DSG4: variants seen among roughly 807,000 people sequenced by gnomAD.
DSG4 encodes the protein desmoglein 4.
In DSG4, 87 loss-of-function variants were observed where a neutral mutation model predicts 93.1. That is an observed-to-expected ratio of 0.93 (90% CI 0.79 to 1.12). The LOEUF (loss-of-function observed/expected upper bound fraction) is 1.12, where lower values mean the gene tolerates loss of function less well. DSG4 is among the 50% of genes most tolerant of loss of function. The pLI, the probability that DSG4 is intolerant of heterozygous loss-of-function variation, is 0.00. For synonymous variants in DSG4, 432 were observed against 452.9 expected (o/e 0.95, Z 0.59); for missense variants, 1,373 against 1,285.7 (o/e 1.07, Z -1.04).
intron 8 of DSG4, among the ~76,000 whole-genome samples, chr18:31,393,622 G>T (rs1330290785): frequency 6.6e-6 from 1 of 152,018 alleles, no homozygotes; most frequent in South Asian, 2.1e-4. Context: ...CCCTCACCAG[G>T]CCCCACCTCC....
intron 5 of DSG4, among the ~76,000 whole-genome samples, chr18:31,389,896 G>A (rs182807658): frequency 5.6e-4 from 85 of 152,270 alleles, no homozygotes; most frequent in Admixed American, 6.5e-4. Flanking sequence ...AGACTCCGAA[G>A]TCCATCTTTG....
chr18:31,396,057 G>A (rs530499753), intron 8 of DSG4, among the ~76,000 whole-genome samples: 2 of 152,212 alleles, frequency 1.3e-5, no homozygotes, highest in East Asian at 1.9e-4. Flanking sequence ...AAGTCTCTCT[G>A]TCAATAACAG....
chr18:31,410,409 CTA>C (rs1009272239), intron 14 of DSG4, among the ~76,000 whole-genome samples: 1 of 150,954 alleles, frequency 6.6e-6, no homozygotes, highest in Admixed American at 6.6e-5. Context: ...GTATGTGTGT[CTA>C]TATATATACA....
chr18:31,407,603 G>T (rs544428224), intron 12 of DSG4, among the ~76,000 whole-genome samples: 8 of 152,302 alleles, frequency 5.3e-5, no homozygotes, highest in Non-Finnish European at 7.4e-5. Context: ...AAACTGTATT[G>T]TTGCTGTTTT....
At position 31,392,265 on chromosome 18, in the gene DSG4, C is replaced by T. The variant is rs146457133; in HGVS notation, c.930C>T (p.Leu310=). 1.5e-4 allele frequency: 241 copies of T among 1,613,588 alleles called. No homozygotes were observed. The highest frequency in any genetic ancestry group is 1.9e-4 in the Non-Finnish European group (224 of 1,179,864). ...ACTGGTTGGCTCAATATTTAATTCT[C>T]TCTGGAAATGATGGGAATTGGTTCG... The part of the protein sequence containing the change: ...TDNWLAQYLI[L]SGNDGNWFDI... The change falls in exon 8 of 16, where the codon CTC becomes CTT. Residue 310 remains leucine (L), a synonymous_variant. Coordinates refer to ENST00000308128, the MANE Select transcript of DSG4 (RefSeq NM_177986.5).
rs750172755 is a variant in DSG4 at position 31,386,797 on chromosome 18, C to T, written c.194C>T (p.Ser65Leu). The T allele has an allele frequency of 7.4e-6, 12 of 1,613,166 alleles. No individual in the cohort carries two copies. The highest frequency in any genetic ancestry group is 6.7e-5 in the Admixed American group (4 of 59,960). The change falls in exon 3 of 16, where the codon TCG (serine) becomes TTG (leucine). Residue 65 changes from serine (S) to leucine (L), a missense_variant. Transcript: ENST00000308128. Reference protein sequence around the residue: ...AAACREGEDNSKRNPIAKIRS... With the variant: ...AAACREGEDNLKRNPIAKIRS... ...GCCTGTCGAGAAGGAGAGGACAACT[C>T]GAAGAGGAACCCCATTGCCAAAGTA...
Position 31,406,163 on chromosome 18 carries a change from G to T in DSG4, c.1723G>T (p.Ala575Ser). 6.2e-7 allele frequency: 1 copy of T among 1,614,172 alleles called. No individual in the cohort carries two copies. Among genetic ancestry groups the T allele is most frequent in the Non-Finnish European group, 8.5e-7 (1 of 1,180,044 alleles). ...PILVKDSYNR[A>S]CELAQMVQLY... ...CCTGGTGAAGGACAGCTATAACAGA[G>T]CATGTGAATTGGCACAAATGGTGCA... Residue 575 changes from alanine to serine, a missense_variant, in exon 12 of 16, where the codon GCA becomes TCA. Physicochemically the swap from Ala to Ser is moderately conservative, Grantham distance 99 (BLOSUM62 1). Coordinates refer to ENST00000308128, the MANE Select transcript of DSG4 (RefSeq NM_177986.5).
chr18:31,411,358 C>T lies in DSG4; in HGVS notation c.2265C>T (p.Ala755=). The T allele has an allele frequency of 6.2e-7, 1 of 1,614,076 alleles. No individual in the cohort carries two copies. The highest frequency in any genetic ancestry group is 2.2e-5 in the East Asian group (1 of 44,838). The part of the protein sequence containing the change: ...MAAGAAGASG[A]ARKRSSTMGT... ...CAGGGGCCGCAGGAGCCTCAGGGGCCGCAAGGAAGAGGAGCTCTACCATGG... is the reference window on the plus strand; with the variant it reads ...CAGGGGCCGCAGGAGCCTCAGGGGCTGCAAGGAAGAGGAGCTCTACCATGG... The change falls in exon 15 of 16, where the codon GCC becomes GCT. Residue 755 remains alanine (A), a synonymous_variant. Coordinates refer to ENST00000308128, the MANE Select transcript of DSG4 (RefSeq NM_177986.5).
chr18:31,386,068 G>C (rs774289064), intron 2 of DSG4, among the ~76,000 whole-genome samples: 4 of 152,080 alleles, frequency 2.6e-5, no homozygotes, highest in Non-Finnish European at 5.9e-5. Context: ...AGCAAGCACA[G>C]ATACAAATGA....
intron 9 of DSG4, among the ~76,000 whole-genome samples, chr18:31,400,674 T>C (rs371818986): frequency 9.2e-5 from 14 of 152,298 alleles, no homozygotes; most frequent in South Asian, 6.2e-4. Context: ...GTAAAAATGA[T>C]GAAATTTTAA....
At chr18:31,394,834 T>C (rs2072288711) in intron 8 of DSG4, among the ~76,000 whole-genome samples, 1 of 152,186 alleles carries the variant, frequency 6.6e-6, no homozygotes, top group Admixed American at 6.5e-5. Context: ...CCTTGCATCC[T>C]GGTTAAAAAT....
chr18:31,383,896 T>C (rs969303470), intron 1 of DSG4, among the ~76,000 whole-genome samples: 53 of 152,224 alleles, frequency 3.5e-4, no homozygotes, highest in Admixed American at 1.4e-3. Context: ...TTTCAATTAT[T>C]TGTTTTCAAC....
rs768691954 is a variant in DSG4 at position 31,391,183 on chromosome 18, G to A, written c.790G>A (p.Asp264Asn). 6 of 1,613,506 alleles carry A rather than the reference G, an allele frequency of 3.7e-6. No individual in the cohort carries two copies. The East Asian group carries it at 6.7e-5, about 18-fold the overall frequency. The change falls in exon 7 of 16, where the codon GAT becomes AAT. Residue 264 changes from aspartate (D) to asparagine (N), a missense_variant. Asp to Asn is a conservative substitution (Grantham distance 23, BLOSUM62 1). Coordinates refer to ENST00000308128, the MANE Select transcript of DSG4 (RefSeq NM_177986.5). Reference protein sequence around the residue: ...DCRIKVLDVNDNFPTLEKTSY... With the variant: ...DCRIKVLDVNNNFPTLEKTSY... The stretch of plus-strand genomic sequence containing the variant: ...TAGAATCAAGGTTTTAGACGTCAAC[G>A]ATAATTTCCCCACCTTAGAGAAAAC...
At chr18:31,393,782 C>T (rs888158228) in intron 8 of DSG4, among the ~76,000 whole-genome samples, 2 of 152,172 alleles carry the variant, frequency 1.3e-5, no homozygotes, top group African/African-American at 2.4e-5. Flanking sequence ...TTGGGTCTTT[C>T]GCTTTTCTTT....
At chr18:31,401,156 C>T (rs2072361965) in intron 10 of DSG4, 136 bp downstream of exon 10, 1 of 649,992 alleles carries the variant, frequency 1.5e-6, no homozygotes, top group Non-Finnish European at 2.4e-6. Flanking sequence ...CCCTAAACAC[C>T]TTAAATCAAG....
In DSG4 at chr18:31,388,882, C is replaced by T. The variant is rs2144174164; in HGVS notation, c.381C>T (p.Cys127=). 6 of 1,613,508 alleles carry T rather than the reference C, an allele frequency of 3.7e-6. No individual in the cohort carries two copies. Among genetic ancestry groups the T allele is most frequent in the Non-Finnish European group, 5.1e-6 (6 of 1,179,574 alleles). Residue 127 remains cysteine (C), a synonymous_variant, in exon 5 of 16, where the codon TGC becomes TGT. Transcript: ENST00000308128. The stretch of plus-strand genomic sequence containing the variant: ...TTTCCAATTTTCCACAGATCTATTG[C>T]CGGGCTCTGAATTCACGGGGTGAAG... The part of the protein sequence containing the change: ...REITPLFLIY[C]RALNSRGEDL...
intron 2 of DSG4, among the ~76,000 whole-genome samples, chr18:31,385,481 G>A (rs1477187228): frequency 6.6e-6 from 1 of 152,120 alleles, no homozygotes; most frequent in Non-Finnish European, 1.5e-5. Context: ...AGTGGGAAGA[G>A]ACTGTTTAGA....
At chr18:31,410,850 T>C (rs1335968405) in intron 14 of DSG4, among the ~76,000 whole-genome samples, 1 of 152,180 alleles carries the variant, frequency 6.6e-6, no homozygotes, top group Non-Finnish European at 1.5e-5. Flanking sequence ...AGGAGGACTA[T>C]GAGCTCAGTT....
Position 31,376,890 on chromosome 18 carries a change from C to A in DSG4, c.-22C>A, listed in dbSNP as rs747998720. On this transcript the variant is annotated 5_prime_UTR_variant, in exon 1 of 16. Coordinates refer to ENST00000308128, the MANE Select transcript of DSG4 (RefSeq NM_177986.5). ...CTCAAATTGAATCTCACAGGATTTG[C>A]GTGCAAGAGAAACCCAAAGGAATGG... 5 of 1,613,202 alleles carry A rather than the reference C, an allele frequency of 3.1e-6. No homozygotes were observed. The highest frequency in any genetic ancestry group is 2.7e-5 in the African/African-American group (2 of 74,856).
Sources: gnomAD v4.1 joint callset for allele counts (sites outside exome capture counted in the v4.1 genomes callset) on GRCh38, gnomAD v4.1.1 for gene constraint, MANE v1.5 for transcripts, NCBI Gene and HGNC (gene_info 2026-07-23, HGNC 2026-07-21) for gene names.